Variants in PTPN11 observed in about 807,000 individuals in gnomAD.
PTPN11 encodes the protein protein tyrosine phosphatase non-receptor type 11.
PTPN11 carries 6 observed loss-of-function variants against 78.8 expected under a neutral mutation model. That is an observed-to-expected ratio of 0.08 (90% confidence interval 0.04 to 0.15). The LOEUF (loss-of-function observed/expected upper bound fraction) is 0.15, where lower values mean the gene tolerates loss of function less well. Ranked by LOEUF, PTPN11 falls within the 10% of genes least tolerant of loss-of-function variation. The pLI is 1.00. For synonymous variants in PTPN11, 221 were observed against 263.5 expected, an observed-to-expected ratio of 0.84 and a Z score of 1.56; for missense variants, 386 against 744.8, an observed-to-expected ratio of 0.52 and a Z score of 5.61.
rs541882238 is a variant in PTPN11 at position 112,482,915 on chromosome 12, T to C, written c.1224+710T>C. On this transcript the variant is annotated intron_variant, in intron 10 of 15. Coordinates refer to ENST00000351677, the MANE Select transcript of PTPN11 (RefSeq NM_002834.5). The surrounding 1 kb of genome is among the most constrained non-coding windows in gnomAD (Gnocchi z 4.4). ...AGTGATTTGTTTTCTTCTGGATGTG[T>C]TCAGCTGGGCATCTGAACAGTCATG... Among the ~76,000 whole-genome samples, 1 of 152,270 alleles carries C rather than the reference T, an allele frequency of 6.6e-6. No individual in the cohort carries two copies. The highest frequency in any genetic ancestry group is 1.9e-4 in the East Asian group (1 of 5,184).
Position 112,504,388 on chromosome 12 carries a change from G to T in PTPN11, c.1713-307G>T, listed in dbSNP as rs1343957180. Among the ~76,000 whole-genome samples the T allele has an allele frequency of 6.6e-6, 1 of 152,146 alleles. No homozygotes were observed. The highest frequency in any genetic ancestry group is 1.5e-5 in the Non-Finnish European group (1 of 68,028). On this transcript the variant is annotated intron_variant, in intron 14 of 15. Coordinates refer to ENST00000351677, the MANE Select transcript of PTPN11 (RefSeq NM_002834.5). This position sits in a 1 kb window ranked among gnomAD's most constrained non-coding sequence, Gnocchi z 4.7. ...TTTTTGTATTTTTAGTAGAGACGGG[G>T]TTCACCATATTGGCCAGGCTGGTCT...
Position 112,486,463 on chromosome 12 carries a change from G to T in PTPN11, c.1225-12G>T, listed in dbSNP as rs779291780. 6.2e-7 allele frequency: 1 copy of T among 1,611,062 alleles called. No individual in the cohort carries two copies. Among genetic ancestry groups the T allele is most frequent in the Non-Finnish European group, 8.5e-7 (1 of 1,177,214 alleles). ...TTTAATTCTTTTCTGGTTTTTCTTG[G>T]CTCTACTCCAGGGGAATACGGAGAG... On this transcript the variant is annotated splice_polypyrimidine_tract_variant and intron_variant, in intron 10 of 15. Transcript: ENST00000351677.
Position 112,450,438 on chromosome 12 carries a change from G to A in PTPN11, c.258G>A (p.Gly86=), listed in dbSNP as rs1403139808. Reference sequence around the variant, plus strand: ...TCCAGTATTACATGGAACATCACGGGCAATTAAAAGAGAAGAATGGAGATG... The same window carrying A: ...TCCAGTATTACATGGAACATCACGGACAATTAAAAGAGAAGAATGGAGATG... ...ELVQYYMEHH[G]QLKEKNGDVI... Residue 86 remains glycine, a synonymous_variant, in exon 3 of 16, where the codon GGG becomes GGA. Transcript: ENST00000351677. The A allele has an allele frequency of 6.2e-7, 1 of 1,613,922 alleles. No homozygotes were observed.
At chr12:112,473,319 C>A (rs1381201414) in intron 7 of PTPN11, among the ~76,000 whole-genome samples, 1 of 152,102 alleles carries the variant, frequency 6.6e-6, no homozygotes, top group Non-Finnish European at 1.5e-5. Flanking sequence ...CAAGATAGAT[C>A]ATCTCAAGGC....
At chr12:112,483,203 T>G (rs1273254580) in intron 10 of PTPN11, among the ~76,000 whole-genome samples, 2 of 151,754 alleles carry the variant, frequency 1.3e-5, no homozygotes, top group African/African-American at 2.4e-5. Context: ...TTTTTTTTTT[T>G]TTGAAACAGA....
At chr12:112,475,563 T>C (rs2038489083) in intron 7 of PTPN11, among the ~76,000 whole-genome samples, 2 of 152,122 alleles carry the variant, frequency 1.3e-5, no homozygotes, top group Non-Finnish European at 2.9e-5. Context: ...CTATGCATAC[T>C]ATATTTATCC....
At chr12:112,499,150 C>T (rs761927335) in intron 13 of PTPN11, among the ~76,000 whole-genome samples, 2 of 151,980 alleles carry the variant, frequency 1.3e-5, no homozygotes, top group Non-Finnish European at 2.9e-5. Context: ...GTTAACAATA[C>T]TGCACATCTA....
intron 9 of PTPN11, among the ~76,000 whole-genome samples, chr12:112,481,616 C>A (rs2038597120): frequency 6.6e-6 from 1 of 152,162 alleles, no homozygotes; most frequent in Non-Finnish European, 1.5e-5. Context: ...CCTCAGCCTC[C>A]CAAGTAGCTG....
Position 112,488,520 on chromosome 12 carries a change from CTGG to C in PTPN11, c.1447+14_1447+16del. 6.3e-7 allele frequency: 1 copy of C among 1,597,638 alleles called. No homozygotes were observed. The highest frequency in any genetic ancestry group is 8.6e-7 in the Non-Finnish European group (1 of 1,164,970). On this transcript the variant is annotated intron_variant, in intron 12 of 15. Transcript: ENST00000351677. ...ATCATCAGAGAGAAAGGTGGGTCATCTGGTGGGCAAGAAGCGACAGTTTCTGTT... is the reference window on the plus strand; with the variant it reads ...ATCATCAGAGAGAAAGGTGGGTCATCTGGGCAAGAAGCGACAGTTTCTGTT...
At chr12:112,500,399 TA>T (rs2135927326) in intron 13 of PTPN11, among the ~76,000 whole-genome samples, 1 of 152,352 alleles carries the variant, frequency 6.6e-6, no homozygotes, top group African/African-American at 2.4e-5. Flanking sequence ...AATGGTTATT[TA>T]CAAGTCTTTT....
intron 13 of PTPN11, among the ~76,000 whole-genome samples, chr12:112,492,636 G>A (rs2038760757): frequency 6.6e-6 from 1 of 151,644 alleles, no homozygotes; most frequent in African/African-American, 2.4e-5. Context: ...TCCTGCCTCA[G>A]CCTCCCAAGT....
At chr12:112,437,200 G>T (rs528825335) in intron 1 of PTPN11, among the ~76,000 whole-genome samples, 3 of 152,004 alleles carry the variant, frequency 2.0e-5, no homozygotes, top group Non-Finnish European at 4.4e-5. Flanking sequence ...ACTCAGGCTG[G>T]AGTGCAGTGG....
chr12:112,501,085 GATA>G (rs774847183), intron 13 of PTPN11, among the ~76,000 whole-genome samples: 40 of 152,082 alleles, frequency 2.6e-4, no homozygotes, highest in Non-Finnish European at 5.0e-4. Context: ...ATTAGTATTT[GATA>G]TGGCTACCCT....
intron 1 of PTPN11, among the ~76,000 whole-genome samples, chr12:112,432,513 C>A (rs999520509): frequency 6.6e-6 from 1 of 151,736 alleles, no homozygotes; most frequent in African/African-American, 2.4e-5. Flanking sequence ...TAAAAACATA[C>A]AAACAATTAG....
Position 112,506,953 on chromosome 12 carries a change from TG to T in PTPN11, c.*1162del. On this transcript the variant is annotated 3_prime_UTR_variant, in exon 16 of 16. Coordinates refer to ENST00000351677, the MANE Select transcript of PTPN11 (RefSeq NM_002834.5). ...CCCTTCTACTTCCCTCTATTGATGATGATGATGATGATGATGATGATGATGA... is the reference window on the plus strand; with the variant it reads ...CCCTTCTACTTCCCTCTATTGATGATATGATGATGATGATGATGATGATGA... 4.7e-6 allele frequency: 1 copy of T among 210,764 alleles called. No homozygotes were observed. Among genetic ancestry groups the T allele is most frequent in the South Asian group, 7.3e-5 (1 of 13,766 alleles). The allele number at this position is 210,764 out of a possible 1,614,324, so 13.1% of individuals were successfully genotyped here.
intron 1 of PTPN11, among the ~76,000 whole-genome samples, chr12:112,440,342 C>T (rs780796238): frequency 9.9e-5 from 15 of 151,872 alleles, no homozygotes; most frequent in Non-Finnish European, 1.6e-4. Flanking sequence ...GGCATGATCT[C>T]GGCTCACTGC....
chr12:112,444,861 T>A (rs1479082617), intron 1 of PTPN11, among the ~76,000 whole-genome samples: 1 of 152,172 alleles, frequency 6.6e-6, no homozygotes, highest in Non-Finnish European at 1.5e-5. Context: ...AATAGGATGT[T>A]CCAAGTTCAT....
At chr12:112,484,394 G>A (rs1238652603) in intron 10 of PTPN11, among the ~76,000 whole-genome samples, 1 of 152,182 alleles carries the variant, frequency 6.6e-6, no homozygotes, top group Non-Finnish European at 1.5e-5. Context: ...CGAGGGCTTT[G>A]CATAGTTGCA....
chr12:112,421,599 G>C (rs1412161138), intron 1 of PTPN11, among the ~76,000 whole-genome samples: 1 of 152,080 alleles, frequency 6.6e-6, no homozygotes, highest in Non-Finnish European at 1.5e-5. Context: ...ATAGGCATGA[G>C]ACACCCTGCC....
Sources: allele counts gnomAD v4.1 joint callset (sites outside exome capture counted in the v4.1 genomes callset), GRCh38; gene constraint gnomAD v4.1.1; non-coding constraint Gnocchi (gnomAD v3.1); transcripts MANE v1.5; gene names NCBI Gene and HGNC (gene_info 2026-07-23, HGNC 2026-07-21).